Variants in CCDC62 observed in about 807,000 individuals in gnomAD.
CCDC62 encodes the protein coiled-coil domain-containing protein 62.
A neutral mutation model predicts 80.8 loss-of-function variants in CCDC62; 72 were observed. The ratio of observed to expected loss-of-function variants is 0.89; its 90% confidence interval spans 0.74 to 1.08. The LOEUF (loss-of-function observed/expected upper bound fraction) is 1.08, where lower values mean the gene tolerates loss of function less well. Among genes scored for constraint, CCDC62 ranks in the 50% least tolerant of loss-of-function variants. CCDC62 has a pLI of 0.00. For missense variants in CCDC62, 704 were observed against 809.4 expected, an observed-to-expected ratio of 0.87 and a Z score of 1.58; for synonymous variants, 286 against 296.5, an observed-to-expected ratio of 0.96 and a Z score of 0.36.
intron 2 of CCDC62, among the ~76,000 whole-genome samples, chr12:122,779,873 A>C (rs553457764): frequency 2.4e-5 from 3 of 126,450 alleles, no homozygotes; most frequent in Admixed American, 2.1e-4. Flanking sequence ...ACACCACTGC[A>C]CTCCAGCCTG....
At chr12:122,818,007 G>A (rs2032240897) in intron 11 of CCDC62, among the ~76,000 whole-genome samples, 1 of 152,020 alleles carries the variant, frequency 6.6e-6, no homozygotes, top group African/African-American at 2.4e-5. Context: ...ACAGGAACAT[G>A]CAGAAAAAAG....
rs1313879034 is a variant in CCDC62 at position 122,815,601 on chromosome 12, C to T, written c.2001+2182C>T. The stretch of plus-strand genomic sequence containing the variant: ...AGCTGGGACTACAGGCGCCCGCCAC[C>T]ACACCCGGCTAATTTTTTGCATTTT... On this transcript the variant is annotated intron_variant, in intron 11 of 12. Coordinates refer to ENST00000253079, the MANE Select transcript of CCDC62 (RefSeq NM_201435.5). Among the ~76,000 whole-genome samples the T allele has an allele frequency of 2.0e-5, 3 of 152,114 alleles. No individual in the cohort carries two copies. The East Asian group carries it at 5.8e-4, about 29-fold the overall frequency.
chr12:122,779,999 T>C (rs905271506), intron 2 of CCDC62, among the ~76,000 whole-genome samples: 1 of 149,938 alleles, frequency 6.7e-6, no homozygotes, highest in African/African-American at 2.5e-5. Context: ...ATAACCTAAA[T>C]GACCATCAAT....
At chr12:122,805,426 C>T (rs1372332862) in intron 9 of CCDC62, among the ~76,000 whole-genome samples, 1 of 147,954 alleles carries the variant, frequency 6.8e-6, no homozygotes, top group Non-Finnish European at 1.5e-5. Flanking sequence ...TCTCCGCAAC[C>T]TCCGCCTCCT....
intron 12 of CCDC62, among the ~76,000 whole-genome samples, chr12:122,823,846 C>T (rs1008095475): frequency 5.3e-5 from 8 of 151,824 alleles, no homozygotes; most frequent in South Asian, 2.1e-4. Context: ...ATTAGCCAGG[C>T]GCGGTAGTGG....
chr12:122,788,029 A>C (rs2030374885), intron 4 of CCDC62, among the ~76,000 whole-genome samples: 2 of 152,176 alleles, frequency 1.3e-5, no homozygotes, highest in South Asian at 4.1e-4. Flanking sequence ...TATAAGTCCT[A>C]GTGTGAGATG....
At chr12:122,794,797 C>T (rs1291452197) in intron 6 of CCDC62, among the ~76,000 whole-genome samples, 1 of 152,266 alleles carries the variant, frequency 6.6e-6, no homozygotes, top group East Asian at 1.9e-4. Flanking sequence ...GCTGGGACTA[C>T]AGGCATGTGT....
At chr12:122,815,814 C>G (rs188689282) in intron 11 of CCDC62, among the ~76,000 whole-genome samples, 38 of 152,240 alleles carry the variant, frequency 2.5e-4, no homozygotes, top group African/African-American at 7.9e-4. Context: ...TGAATAGAGA[C>G]AGTTTTATTC....
intron 10 of CCDC62, among the ~76,000 whole-genome samples, chr12:122,808,306 G>A (rs1422084766): frequency 6.6e-6 from 1 of 152,000 alleles, no homozygotes; most frequent in Non-Finnish European, 1.5e-5. Flanking sequence ...CAAAAAAAAA[G>A]TAATGGCAAA....
intron 12 of CCDC62, among the ~76,000 whole-genome samples, chr12:122,824,640 T>G (rs1251480082): frequency 6.6e-6 from 1 of 152,214 alleles, no homozygotes; most frequent in African/African-American, 2.4e-5. Context: ...GAACTCCGAT[T>G]TGATCCAATA....
chr12:122,785,995 G>A (rs948221303), intron 4 of CCDC62, among the ~76,000 whole-genome samples, 175 bp downstream of exon 4: 1 of 152,158 alleles, frequency 6.6e-6, no homozygotes. Flanking sequence ...TGTTCCCAAG[G>A]CATGAAGAAA....
chr12:122,803,197 T>C (rs1023067771), intron 9 of CCDC62, among the ~76,000 whole-genome samples: 1 of 152,222 alleles, frequency 6.6e-6, no homozygotes, highest in African/African-American at 2.4e-5. Flanking sequence ...TCACTTAGTA[T>C]ATTTACATAT....
chr12:122,802,337 C>T (rs2031361525), intron 9 of CCDC62, among the ~76,000 whole-genome samples: 2 of 150,836 alleles, frequency 1.3e-5, no homozygotes, highest in South Asian at 2.1e-4. Flanking sequence ...TTTGGGAGGC[C>T]AAGGCAGGAG....
intron 3 of CCDC62, among the ~76,000 whole-genome samples, chr12:122,781,720 A>G (rs536395011): frequency 6.6e-6 from 1 of 151,888 alleles, no homozygotes. Context: ...TTAGATTTAA[A>G]TGTTTCATTA....
chr12:122,823,489 A>T, intron 12 of CCDC62, 30 bp downstream of exon 12: 1 of 1,007,794 alleles, frequency 9.9e-7, no homozygotes, highest in African/African-American at 1.6e-5. Flanking sequence ...CTCACCTTAT[A>T]TCTCAATTAA....
intron 10 of CCDC62, among the ~76,000 whole-genome samples, chr12:122,811,518 A>G (rs1475451313): frequency 1.4e-4 from 10 of 72,758 alleles, no homozygotes; most frequent in Non-Finnish European, 1.9e-4. Flanking sequence ...GCTGAAATTA[A>G]GTTTTCTTAA....
intron 3 of CCDC62, among the ~76,000 whole-genome samples, chr12:122,784,910 G>A (rs1310408265): frequency 6.6e-6 from 1 of 152,080 alleles, no homozygotes; most frequent in Non-Finnish European, 1.5e-5. Context: ...AGGTCAAGGC[G>A]GGCAGATCAC....
At chr12:122,789,975 G>A (rs897838016) in intron 5 of CCDC62, among the ~76,000 whole-genome samples, 5 of 152,076 alleles carry the variant, frequency 3.3e-5, no homozygotes, top group African/African-American at 1.2e-4. Flanking sequence ...TATATACACC[G>A]AGGTAAAATA....
intron 11 of CCDC62, 68 bp from the exon 12 acceptor site, chr12:122,823,298 G>C (rs1204663125): frequency 8.9e-7 from 1 of 1,122,942 alleles, no homozygotes; most frequent in Non-Finnish European, 1.4e-6. Context: ...TGCTATATTT[G>C]TGTTTAGTCT....
Sources: allele counts gnomAD v4.1 joint callset (sites outside exome capture counted in the v4.1 genomes callset), GRCh38; gene constraint gnomAD v4.1.1; transcripts MANE v1.5; gene names NCBI Gene and HGNC (gene_info 2026-07-23, HGNC 2026-07-21).